Variants in NRG3 observed in about 807,000 individuals in gnomAD.
NRG3 encodes neuregulin 3.
Under a neutral mutation model 66.9 loss-of-function variants are expected in NRG3, and 31 were observed. That is an observed-to-expected ratio of 0.46 (90% CI 0.35 to 0.63). The LOEUF (loss-of-function observed/expected upper bound fraction) is 0.63. NRG3 is among the 20% of genes least tolerant of loss of function. The pLI is 0.00. For missense variants in NRG3, 910 were observed against 878.9 expected (o/e 1.04, Z -0.45); for synonymous variants, 393 against 359.4 (o/e 1.09, Z -1.06).
At chr10:82,711,747 G>A (rs533394355) in intron 2 of NRG3, among the ~76,000 whole-genome samples, 1 of 152,020 alleles carries the variant, frequency 6.6e-6, no homozygotes. Context: ...TTTATCATAT[G>A]ATCAATTTTA....
At chr10:82,912,830 G>T (rs1424757659) in intron 4 of NRG3, among the ~76,000 whole-genome samples, 1 of 152,002 alleles carries the variant, frequency 6.6e-6, no homozygotes, top group Non-Finnish European at 1.5e-5. Context: ...ATGTTTTCTA[G>T]ATATATTTTG....
chr10:82,582,390 C>G (rs1590758317), intron 2 of NRG3, among the ~76,000 whole-genome samples: 2 of 152,044 alleles, frequency 1.3e-5, no homozygotes, highest in African/African-American at 4.8e-5. Context: ...TGAGTGAGCA[C>G]AGGGACCTGC....
chr10:82,838,578 A>T (rs1318299786), intron 3 of NRG3, among the ~76,000 whole-genome samples: 2 of 152,134 alleles, frequency 1.3e-5, no homozygotes, highest in Non-Finnish European at 2.9e-5. Flanking sequence ...TAAAATGTAT[A>T]ACTTCTTGCT....
chr10:82,352,263 A>G (rs565668307), intron 1 of NRG3, among the ~76,000 whole-genome samples: 2 of 152,336 alleles, frequency 1.3e-5, no homozygotes, highest in East Asian at 1.9e-4. Flanking sequence ...CCAGAAGCAT[A>G]CGGTTTATGG....
intron 8 of NRG3, among the ~76,000 whole-genome samples, chr10:82,983,412 A>G (rs1042355095): frequency 1.3e-5 from 2 of 152,214 alleles, no homozygotes; most frequent in South Asian, 4.1e-4. Flanking sequence ...ATATTCCCCA[A>G]GAATTTCCAA....
rs149599512 is a variant in NRG3, at chr10:82,980,358, T to G, written c.1583+1238T>G. 8.6e-3 allele frequency among the ~76,000 whole-genome samples: 1,308 copies of G among 152,164 alleles called. 14 individuals are homozygous for G. Among genetic ancestry groups the G allele is most frequent in the African/African-American group, 0.029 (1,185 of 41,496 alleles). On this transcript the variant is annotated intron_variant, in intron 8 of 8. Coordinates refer to ENST00000372141, the MANE Select transcript of NRG3 (RefSeq NM_001010848.4). ...TACTGGTATTTATTGTCACAGTAAT[T>G]GTTATAATTTTTTCAGCAATTTCAA...
intron 2 of NRG3, among the ~76,000 whole-genome samples, chr10:82,669,275 AT>A (rs2053057662): frequency 1.3e-5 from 2 of 149,354 alleles, no homozygotes; most frequent in Non-Finnish European, 3.0e-5. Flanking sequence ...AATAATAATA[AT>A]AATAATAATA....
rs1841586843 is a variant in NRG3, at chr10:81,875,921, C to T, written c.581C>T (p.Pro194Leu). The T allele has an allele frequency of 6.2e-7, 1 of 1,613,420 alleles. No individual in the cohort carries two copies. Among genetic ancestry groups the T allele is most frequent in the Non-Finnish European group, 8.5e-7 (1 of 1,180,014 alleles). ...AACACTGCGGCCCCTGCGACGGTCCCGTCCACCACGGCCCCGTTCTTCAGT... is the reference window on the plus strand; with the variant it reads ...AACACTGCGGCCCCTGCGACGGTCCTGTCCACCACGGCCCCGTTCTTCAGT... ...ARNTAAPATV[P>L]STTAPFFSSS... The change falls in exon 1 of 9, where the codon CCG becomes CTG. Residue 194 changes from proline (P) to leucine (L), a missense_variant. Pro to Leu is a moderately conservative substitution (Grantham distance 98). Coordinates refer to ENST00000372141, the MANE Select transcript of NRG3 (RefSeq NM_001010848.4). The surrounding 1 kb of genome is among the most constrained non-coding windows in gnomAD (Gnocchi z 5.3).
Position 82,437,633 on chromosome 10 carries a change from T to C in NRG3, c.953+78765T>C, listed in dbSNP as rs184822986. Among the ~76,000 whole-genome samples the C allele has an allele frequency of 8.5e-5, 13 of 152,250 alleles. No homozygotes were observed. The East Asian group carries it at 2.5e-3, about 30-fold the overall frequency. ...AGAGACACTTTGGCCTTTTGGGTTT[T>C]TGGCATTTATACATTGATTCTTTCT... is the stretch of plus-strand genomic sequence containing the variant. On this transcript the variant is annotated intron_variant, in intron 2 of 8. Coordinates refer to ENST00000372141, the MANE Select transcript of NRG3 (RefSeq NM_001010848.4).
chr10:82,261,116 C>T (rs1400253938), intron 1 of NRG3, among the ~76,000 whole-genome samples: 4 of 152,224 alleles, frequency 2.6e-5, no homozygotes, highest in Middle Eastern at 3.4e-3. Flanking sequence ...CAAAATCTCA[C>T]CTTGAAATGC....
At chr10:82,958,168 G>T (rs1027182982) in intron 5 of NRG3, among the ~76,000 whole-genome samples, 2 of 152,222 alleles carry the variant, frequency 1.3e-5, no homozygotes, top group Non-Finnish European at 2.9e-5. Flanking sequence ...GCAATTCTGA[G>T]TGGTGGTTGA....
intron 3 of NRG3, among the ~76,000 whole-genome samples, chr10:82,831,011 G>A (rs1292549755): frequency 6.6e-6 from 1 of 152,172 alleles, no homozygotes; most frequent in Non-Finnish European, 1.5e-5. Context: ...ATGCCTTTAT[G>A]TTAGTCATAG....
intron 2 of NRG3, among the ~76,000 whole-genome samples, chr10:82,375,861 G>A (rs952460995): frequency 2.0e-5 from 3 of 152,130 alleles, no homozygotes; most frequent in South Asian, 2.1e-4. Context: ...CAGTATATGC[G>A]TTTATGACAT....
rs531974616 is a variant in NRG3, at chr10:82,626,802, A to G, written c.954-111775A>G. Among the ~76,000 whole-genome samples, 120 of 152,096 alleles carry G rather than the reference A, an allele frequency of 7.9e-4. 3 individuals carry two copies. Among genetic ancestry groups the G allele is most frequent in the South Asian group, 6.2e-4 (3 of 4,824 alleles). ...CAAGAGCAGAGGCCCGTACAAACCA[A>G]TTTCTTGGTACCTCTCTTCTTCCTG... On this transcript the variant is annotated intron_variant, in intron 2 of 8. Coordinates refer to ENST00000372141, the MANE Select transcript of NRG3 (RefSeq NM_001010848.4).
chr10:82,379,319 T>C (rs369748059), intron 2 of NRG3, among the ~76,000 whole-genome samples: 5 of 152,012 alleles, frequency 3.3e-5, no homozygotes, highest in African/African-American at 1.2e-4. Flanking sequence ...TAGCCAACGC[T>C]TGGGGGGAAA....
chr10:82,159,625 TAGAGAGAATCTA>T (rs2071429132), intron 1 of NRG3, among the ~76,000 whole-genome samples: 1 of 151,856 alleles, frequency 6.6e-6, no homozygotes, highest in African/African-American at 2.4e-5. Flanking sequence ...TCTTATTAAG[TAGAGAGAATCTA>T]AGAAATAGAA....
rs541627702 is a variant in NRG3 at position 82,536,713 on chromosome 10, G to C, written c.953+177845G>C. ...TGTAGTAAAGACTTTGTAATCTGGA[G>C]ACCTTGTGATTATTAATTCAGAGGG... On this transcript the variant is annotated intron_variant, in intron 2 of 8. Transcript: ENST00000372141. Among the ~76,000 whole-genome samples the C allele has an allele frequency of 2.6e-5, 4 of 152,160 alleles. No homozygotes were observed. The South Asian group carries it at 8.3e-4, about 32-fold the overall frequency.
chr10:81,913,459 T>C (rs1845371625), intron 1 of NRG3, among the ~76,000 whole-genome samples: 1 of 152,080 alleles, frequency 6.6e-6, no homozygotes, highest in Non-Finnish European at 1.5e-5. Flanking sequence ...AGTCTCACTC[T>C]GCTTTCCAGG....
At chr10:82,083,977 C>T (rs1474926530) in intron 1 of NRG3, among the ~76,000 whole-genome samples, 1 of 151,820 alleles carries the variant, frequency 6.6e-6, no homozygotes, top group Admixed American at 6.6e-5. Context: ...CCTGTAATCA[C>T]AGCACTTCGG....
Sources: gnomAD v4.1 joint callset for allele counts (sites outside exome capture counted in the v4.1 genomes callset) on GRCh38, gnomAD v4.1.1 for gene constraint, Gnocchi (gnomAD v3.1) non-coding constraint, MANE v1.5 for transcripts, NCBI Gene and HGNC (gene_info 2026-07-23, HGNC 2026-07-21) for gene names.